AP1S3: variants seen among roughly 807,000 people sequenced by gnomAD.
The protein encoded by AP1S3 is AP-1 complex subunit sigma-3.
A neutral mutation model predicts 20.9 loss-of-function variants in AP1S3; 10 were observed. That is an observed-to-expected ratio of 0.48 (90% CI 0.29 to 0.81). AP1S3 has a LOEUF of 0.81. Among genes scored for constraint, AP1S3 ranks in the 30% least tolerant of loss-of-function variants. The pLI is 0.08. For missense variants in AP1S3, 154 were observed against 183.8 expected (o/e 0.84, Z 0.94); for synonymous variants, 41 against 61.5 (o/e 0.67, Z 1.56).
At chr2:223,775,018 A>AAATAACAGGACAAGAGTCAGCAGG (rs1690750625) in intron 3 of AP1S3, among the ~76,000 whole-genome samples, 1 of 150,430 alleles carries the variant, frequency 6.6e-6, no homozygotes, top group Non-Finnish European at 1.5e-5. Context: ...GGCGCTTCAG[A>AAATAACAGGACAAGAGTCAGCAGG]AATCAATGTC....
intron 3 of AP1S3, among the ~76,000 whole-genome samples, chr2:223,770,671 G>C (rs1356227758): frequency 1.3e-5 from 2 of 150,554 alleles, no homozygotes; most frequent in Non-Finnish European, 2.9e-5. Flanking sequence ...TATTCTTTGA[G>C]TCTACTGCCA....
At position 223,821,154 on chromosome 2, in the gene AP1S3, T is replaced by TTATC. The variant is rs751141599; in HGVS notation, c.3+16290_3+16293dup. 6.2e-4 allele frequency among the ~76,000 whole-genome samples: 94 copies of TTATC among 152,186 alleles called. 1 individual carries two copies. The highest frequency in any genetic ancestry group is 3.7e-3 in the Admixed American group (56 of 15,278). On this transcript the variant is annotated intron_variant, in intron 1 of 4. Transcript: ENST00000396654. ...TTGTTAACTTTATTTATCTATCTAT[T>TTATC]TATCTATCTATCTATCTATGGCAGA...
At chr2:223,823,352 AGTGGAT>A (rs1261473542) in intron 1 of AP1S3, among the ~76,000 whole-genome samples, 4 of 152,242 alleles carry the variant, frequency 2.6e-5, no homozygotes, top group Non-Finnish European at 5.9e-5. Flanking sequence ...AATGTCCGTC[AGTGGAT>A]GGTTACAGAA....
intron 3 of AP1S3, among the ~76,000 whole-genome samples, chr2:223,770,589 T>A (rs781532586): frequency 6.6e-6 from 1 of 151,740 alleles, no homozygotes; most frequent in Non-Finnish European, 1.5e-5. Context: ...GCAAGTTCCA[T>A]AGGCATTACA....
At chr2:223,790,482 C>T (rs1404931960) in intron 1 of AP1S3, among the ~76,000 whole-genome samples, 1 of 152,080 alleles carries the variant, frequency 6.6e-6, no homozygotes, top group Non-Finnish European at 1.5e-5. Context: ...GATTCACGTG[C>T]CTCGGCCTCC....
At chr2:223,793,844 A>T (rs1691272844) in intron 1 of AP1S3, among the ~76,000 whole-genome samples, 1 of 151,902 alleles carries the variant, frequency 6.6e-6, no homozygotes, top group African/African-American at 2.4e-5. Context: ...ACGGTTCACC[A>T]TGCTGGCCAG....
chr2:223,757,018 T>A lies in AP1S3; in HGVS notation c.*1697A>T. 1 of 981,334 alleles carries A rather than the reference T, an allele frequency of 1.0e-6. No homozygotes were observed. The highest frequency in any genetic ancestry group is 1.2e-6 in the Non-Finnish European group (1 of 827,334). 60.8% of individuals were successfully genotyped at this position (981,334 alleles called of 1,614,324 possible). A position where few individuals can be genotyped will look rare whatever the true frequency, so the allele number is the denominator to read the frequency against. On this transcript the variant is annotated 3_prime_UTR_variant, in exon 5 of 5. Coordinates refer to ENST00000396654, the MANE Select transcript of AP1S3 (RefSeq NM_001039569.2). ...TTTTTTTTTTTTTCTTGAGACGCAG[T>A]CTTGCTCTGTCACCCGCCTGGAGTG... is the stretch of plus-strand genomic sequence containing the variant.
chr2:223,780,349 A>T (rs868815519), intron 1 of AP1S3, among the ~76,000 whole-genome samples: 15,311 of 67,440 alleles, frequency 0.23, 2,005 homozygotes, highest in Non-Finnish European at 0.27. Context: ...AGAGAGAGAG[A>T]GAGAGAGAGT....
chr2:223,782,754 C>T (rs1171528709), intron 1 of AP1S3, among the ~76,000 whole-genome samples: 2 of 152,152 alleles, frequency 1.3e-5, no homozygotes, highest in Non-Finnish European at 2.9e-5. Flanking sequence ...CAAGCTTATC[C>T]AATAATTGCA....
intron 1 of AP1S3, among the ~76,000 whole-genome samples, chr2:223,812,694 C>G (rs143481886): frequency 6.6e-6 from 1 of 152,116 alleles, no homozygotes; most frequent in East Asian, 1.9e-4. Context: ...TTGAGCTACT[C>G]TGATTTAAGA....
intron 3 of AP1S3, among the ~76,000 whole-genome samples, chr2:223,766,285 T>C (rs1690477430): frequency 6.6e-6 from 1 of 152,226 alleles, no homozygotes; most frequent in African/African-American, 2.4e-5. Context: ...GTTGTTTTTT[T>C]TCTTGTACAT....
At position 223,758,262 on chromosome 2, in the gene AP1S3, C is replaced by T; in HGVS notation, c.*453G>A. 1 of 976,428 alleles carries T rather than the reference C, an allele frequency of 1.0e-6. No homozygotes were observed. The highest frequency in any genetic ancestry group is 1.2e-6 in the Non-Finnish European group (1 of 821,324). 60.5% of individuals were successfully genotyped at this position (976,428 alleles called of 1,614,324 possible). A position where few individuals can be genotyped will look rare whatever the true frequency, so the allele number is the denominator to read the frequency against. On this transcript the variant is annotated 3_prime_UTR_variant, in exon 5 of 5. Transcript: ENST00000396654. ...TTACATATAAACTCTGCACTATTAA[C>T]ATAATTTTGAATTATTATACAATTT...
intron 1 of AP1S3, among the ~76,000 whole-genome samples, chr2:223,788,030 C>T (rs994271237): frequency 1.3e-5 from 2 of 150,914 alleles, no homozygotes; most frequent in African/African-American, 2.4e-5. Flanking sequence ...GATCTCGGCT[C>T]GCCCAGGTTC....
At chr2:223,773,293 G>A in intron 3 of AP1S3, 1 of 1,303,114 alleles carries the variant, frequency 7.7e-7, no homozygotes, top group Non-Finnish European at 1.0e-6. Flanking sequence ...AGAGAAGGCA[G>A]GTTACGGGAA....
intron 1 of AP1S3, among the ~76,000 whole-genome samples, chr2:223,793,677 G>T (rs1427706975): frequency 6.6e-6 from 1 of 152,108 alleles, no homozygotes; most frequent in Non-Finnish European, 1.5e-5. Flanking sequence ...TGTGCAGCAT[G>T]CTCAAGTATA....
At chr2:223,827,146 A>G (rs975894468) in intron 1 of AP1S3, among the ~76,000 whole-genome samples, 1 of 152,160 alleles carries the variant, frequency 6.6e-6, no homozygotes, top group Admixed American at 6.5e-5. Flanking sequence ...GTTTTTGCAA[A>G]GATGGTTGAT....
In AP1S3 at chr2:223,762,268, A is replaced by ATTTT. The variant is rs57119521; in HGVS notation, c.429+2941_429+2944dup. Among the ~76,000 whole-genome samples the ATTTT allele has an allele frequency of 2.0e-4, 21 of 105,198 alleles. 2 individuals are homozygous for ATTTT. Among genetic ancestry groups the ATTTT allele is most frequent in the Middle Eastern group, 7.2e-3 (1 of 138 alleles). The allele number at this position is 105,198 out of a possible 152,430, so 69.0% of individuals were successfully genotyped here. Reference sequence around the variant, plus strand: ...TAGGCATGAGCCATTGTGCCCAGCAATTTTTTTTTTTTTTTTTTTTTTGAG... The same window carrying ATTTT: ...TAGGCATGAGCCATTGTGCCCAGCAATTTTTTTTTTTTTTTTTTTTTTTTTTGAG... On this transcript the variant is annotated intron_variant, in intron 4 of 4. Transcript: ENST00000396654.
chr2:223,788,091 C>G (rs1415200215), intron 1 of AP1S3, among the ~76,000 whole-genome samples: 1 of 151,914 alleles, frequency 6.6e-6, no homozygotes, highest in African/African-American at 2.4e-5. Flanking sequence ...GGATTATAGA[C>G]ATGTGCCACC....
chr2:223,792,533 T>C (rs1182890256), intron 1 of AP1S3, among the ~76,000 whole-genome samples: 3 of 152,136 alleles, frequency 2.0e-5, no homozygotes, highest in African/African-American at 7.2e-5. Context: ...ACGCAGAAGA[T>C]TGAAACTGGG....
Sources: allele counts gnomAD v4.1 joint callset (sites outside exome capture counted in the v4.1 genomes callset), GRCh38; gene constraint gnomAD v4.1.1; transcripts MANE v1.5; gene names NCBI Gene and HGNC (gene_info 2026-07-23, HGNC 2026-07-21).